Variants in SPATA6 observed in about 807,000 individuals in gnomAD.
The protein encoded by SPATA6 is spermatogenesis-associated protein 6.
SPATA6 carries 56 observed loss-of-function variants against 65.3 expected under a neutral mutation model. The observed-to-expected ratio is 0.86, with a 90% confidence interval of 0.69 to 1.07. The LOEUF (loss-of-function observed/expected upper bound fraction) is 1.07. SPATA6 is among the 50% of genes least tolerant of loss of function. The pLI is 0.00. For missense variants in SPATA6, 590 were observed against 594.8 expected (o/e 0.99, Z 0.08); for synonymous variants, 199 against 213.2 (o/e 0.93, Z 0.58).
At chr1:48,278,757 T>C in the SPATA6 span, among the ~76,000 whole-genome samples, 1 of 152,170 alleles carries the variant, frequency 6.6e-6, no homozygotes, top group African/African-American at 2.4e-5. Flanking sequence ...GAAAACACTC[T>C]GCAGGATATT....
At chr1:48,288,454 T>G in the SPATA6 span, among the ~76,000 whole-genome samples, 2 of 152,250 alleles carry the variant, frequency 1.3e-5, no homozygotes, top group African/African-American at 2.4e-5. Context: ...CATTTCCAAC[T>G]GAGGTACTGG....
chr1:48,304,589 C>T (rs1015631632), intron 12 of SPATA6, among the ~76,000 whole-genome samples: 13 of 152,140 alleles, frequency 8.5e-5, no homozygotes, highest in African/African-American at 1.7e-4. Context: ...AGTGATCCTC[C>T]GATGGGGGCC....
chr1:48,262,869 T>C, the SPATA6 span: 4 of 152,150 alleles, frequency 2.6e-5, no homozygotes, highest in Non-Finnish European at 4.4e-5. Flanking sequence ...AGTTGAAATA[T>C]TTATCTAGAA....
chr1:48,300,550 G>A (rs990919097), intron 12 of SPATA6, among the ~76,000 whole-genome samples: 1 of 151,892 alleles, frequency 6.6e-6, no homozygotes, highest in African/African-American at 2.4e-5. Flanking sequence ...AAAGATATGA[G>A]AAAACCCATT....
chr1:48,317,983 G>C (rs1237099265), intron 11 of SPATA6, among the ~76,000 whole-genome samples: 3 of 151,890 alleles, frequency 2.0e-5, no homozygotes, highest in African/African-American at 7.3e-5. Flanking sequence ...ATTATCCAAA[G>C]AATGCAAGGT....
At chr1:48,457,237 G>T (rs1002967937) in intron 1 of SPATA6, among the ~76,000 whole-genome samples, 2 of 152,036 alleles carry the variant, frequency 1.3e-5, no homozygotes, top group Non-Finnish European at 2.9e-5. Flanking sequence ...TTCGAGACCA[G>T]CTTGGCCAAC....
At chr1:48,278,085 C>A in the SPATA6 span, among the ~76,000 whole-genome samples, 2 of 152,168 alleles carry the variant, frequency 1.3e-5, no homozygotes, top group Non-Finnish European at 2.9e-5. Flanking sequence ...CTGGAGTGGA[C>A]CTCTAGCAAA....
chr1:48,371,353 T>TTGTTA (rs1481640733), intron 9 of SPATA6, among the ~76,000 whole-genome samples: 1 of 152,178 alleles, frequency 6.6e-6, no homozygotes, highest in East Asian at 1.9e-4. Flanking sequence ...TTCCTTAACT[T>TTGTTA]GCTAAATGAT....
At chr1:48,385,933 A>T (rs997105978) in intron 8 of SPATA6, among the ~76,000 whole-genome samples, 1 of 152,174 alleles carries the variant, frequency 6.6e-6, no homozygotes, top group Admixed American at 6.5e-5. Flanking sequence ...TGTTTTAAAG[A>T]TTATATAAGA....
chr1:48,337,254 T>A (rs547221810), intron 11 of SPATA6, among the ~76,000 whole-genome samples: 26 of 151,980 alleles, frequency 1.7e-4, no homozygotes, highest in Non-Finnish European at 3.1e-4. Context: ...AATCAAGTGA[T>A]TTGCTATATT....
chr1:48,403,923 A>G lies in SPATA6; in HGVS notation c.406-41T>C, dbSNP rs769097547. 3.0e-6 allele frequency: 4 copies of G among 1,355,254 alleles called. No individual in the cohort carries two copies. In the African/African-American group the frequency reaches 4.4e-5, roughly 15 times the overall value. The allele number at this position is 1,355,254 out of a possible 1,614,324, so 84.0% of individuals were successfully genotyped here. ...AGGGTATTATTACACATTTCCATTT[A>G]AATAGAGATAATTATTAATGATAAG... On this transcript the variant is annotated intron_variant, in intron 5 of 12. Transcript: ENST00000371847.
the SPATA6 span, among the ~76,000 whole-genome samples, chr1:48,290,061 G>A: frequency 0.43 from 64,667 of 151,996 alleles, 14,880 homozygotes; most frequent in African/African-American, 0.62. Flanking sequence ...AGATTCACCA[G>A]AGTTGAAATG....
In SPATA6 at chr1:48,359,666, G is replaced by C. The variant is rs1646753135; in HGVS notation, c.1014C>G (p.Thr338=). The C allele has an allele frequency of 6.2e-7, 1 of 1,613,772 alleles. No individual in the cohort carries two copies. Among genetic ancestry groups the C allele is most frequent in the African/African-American group, 1.3e-5 (1 of 75,000 alleles). ...TTGAGGGTGCTGAATGGACTAGCAAGGTCCTCGCTGAATGCCGGGGCTTAC... is the reference window on the plus strand; with the variant it reads ...TTGAGGGTGCTGAATGGACTAGCAACGTCCTCGCTGAATGCCGGGGCTTAC... The part of the protein sequence containing the change: ...SCSKPRHSAR[T]LLVHSAPSTM... The change falls in exon 10 of 13, where the codon ACC becomes ACG. Residue 338 remains threonine (T), a synonymous_variant. Coordinates refer to ENST00000371847, the MANE Select transcript of SPATA6 (RefSeq NM_019073.4).
At chr1:48,337,773 T>C (rs888236630) in intron 11 of SPATA6, among the ~76,000 whole-genome samples, 2 of 151,958 alleles carry the variant, frequency 1.3e-5, no homozygotes, top group African/African-American at 4.8e-5. Flanking sequence ...GCTAAATCTA[T>C]AGAAAGACAT....
At chr1:48,418,795 AGGAAGGAG>A (rs141835857) in intron 3 of SPATA6, among the ~76,000 whole-genome samples, 41,729 of 122,532 alleles carry the variant, frequency 0.34, 7,999 homozygotes, top group Middle Eastern at 0.47. Flanking sequence ...AAGGGAAGGA[AGGAAGGAG>A]GGAAGGAGGG....
chr1:48,277,312 T>A, the SPATA6 span, among the ~76,000 whole-genome samples: 5 of 151,958 alleles, frequency 3.3e-5, no homozygotes, highest in Non-Finnish European at 1.5e-5. Flanking sequence ...CACTAGGGAG[T>A]GCCAGACAGT....
At chr1:48,365,520 T>C (rs886333217) in intron 9 of SPATA6, among the ~76,000 whole-genome samples, 1 of 152,218 alleles carries the variant, frequency 6.6e-6, no homozygotes, top group Admixed American at 6.5e-5. Flanking sequence ...TTCACATCCC[T>C]TGTAAGTTGG....
At chr1:48,325,481 C>T in intron 11 of SPATA6, 2 of 1,191,684 alleles carry the variant, frequency 1.7e-6, no homozygotes, top group Non-Finnish European at 1.3e-6. Flanking sequence ...CTGAGGGATC[C>T]ACATTCTCTG....
chr1:48,365,784 T>A (rs1282135134), intron 9 of SPATA6, among the ~76,000 whole-genome samples: 3 of 152,200 alleles, frequency 2.0e-5, no homozygotes. Context: ...ATACCCTTTA[T>A]TTCCTTCTCC....
Sources: allele counts gnomAD v4.1 joint callset (sites outside exome capture counted in the v4.1 genomes callset), GRCh38; gene constraint gnomAD v4.1.1; transcripts MANE v1.5; gene names NCBI Gene and HGNC (gene_info 2026-07-23, HGNC 2026-07-21).